The following TENM4 variants were observed in gnomAD, a reference collection of about 807,000 sequenced individuals.
TENM4 encodes teneurin transmembrane protein 4, also known as teneurin-4.
A neutral mutation model predicts 243.3 loss-of-function variants in TENM4; 82 were observed. The ratio of observed to expected loss-of-function variants is 0.34; its 90% CI spans 0.28 to 0.40. The LOEUF is 0.40. Among genes scored for constraint, TENM4 ranks in the 10% least tolerant of loss-of-function variants. TENM4 has a pLI of 1.00. For synonymous variants in TENM4, 1,412 were observed against 1,456.3 expected (o/e 0.97, Z 0.69); for missense variants, 3,138 against 3,673.3 (o/e 0.85, Z 3.77).
chr11:79,325,807 A>G (rs192018173), intron 1 of TENM4, among the ~76,000 whole-genome samples: 105 of 152,324 alleles, frequency 6.9e-4, no homozygotes, highest in Non-Finnish European at 9.7e-4. Context: ...GAACACACCC[A>G]AATGGCTCCT....
At chr11:79,078,735 A>G (rs1295644953) in intron 4 of TENM4, among the ~76,000 whole-genome samples, 1 of 152,198 alleles carries the variant, frequency 6.6e-6, no homozygotes, top group East Asian at 1.9e-4. Context: ...TGGTGGCTAA[A>G]AGCAAGGTCT....
At chr11:79,257,118 G>A (rs1408903509) in intron 2 of TENM4, among the ~76,000 whole-genome samples, 1 of 152,080 alleles carries the variant, frequency 6.6e-6, no homozygotes, top group Non-Finnish European at 1.5e-5. Context: ...ATGCATGCAG[G>A]TGGTAGGAGA....
At chr11:79,218,239 C>CA (rs1555029542) in intron 2 of TENM4, among the ~76,000 whole-genome samples, 1 of 142,804 alleles carries the variant, frequency 7.0e-6, no homozygotes, top group African/African-American at 2.6e-5. Flanking sequence ...TGCCCACCCA[C>CA]CCCCGACACA....
intron 13 of TENM4, among the ~76,000 whole-genome samples, chr11:78,813,081 C>T (rs1857532855): frequency 6.6e-6 from 1 of 152,160 alleles, no homozygotes; most frequent in Non-Finnish European, 1.5e-5. Context: ...CACCACCTTC[C>T]CCTGGTCCCC....
At chr11:78,921,240 T>A (rs1315224874) in intron 6 of TENM4, among the ~76,000 whole-genome samples, 1 of 152,122 alleles carries the variant, frequency 6.6e-6, no homozygotes, top group Non-Finnish European at 1.5e-5. Flanking sequence ...ACCTATGGCG[T>A]GATATTACTT....
chr11:79,243,531 A>G (rs1010076369), intron 2 of TENM4, among the ~76,000 whole-genome samples: 1 of 152,172 alleles, frequency 6.6e-6, no homozygotes, highest in African/African-American at 2.4e-5. Context: ...TGACAACAAA[A>G]CGCTGCAGGG....
chr11:79,078,307 T>G (rs1286827514), intron 4 of TENM4, among the ~76,000 whole-genome samples: 3 of 152,196 alleles, frequency 2.0e-5, no homozygotes, highest in African/African-American at 7.2e-5. Flanking sequence ...CCATAAATAT[T>G]TCAGAGCTAA....
At chr11:79,280,826 G>C (rs1399145100) in intron 2 of TENM4, among the ~76,000 whole-genome samples, 1 of 152,214 alleles carries the variant, frequency 6.6e-6, no homozygotes, top group East Asian at 1.9e-4. Flanking sequence ...TGGGTTAGTG[G>C]GAGCAGGAGC....
chr11:79,429,183 T>C (rs753022710), intron 1 of TENM4, among the ~76,000 whole-genome samples: 1 of 152,204 alleles, frequency 6.6e-6, no homozygotes, highest in Non-Finnish European at 1.5e-5. Context: ...GGATCTGCTG[T>C]CTCAATCTAG....
At chr11:78,793,655 G>T (rs909074894) in intron 15 of TENM4, among the ~76,000 whole-genome samples, 3 of 152,176 alleles carry the variant, frequency 2.0e-5, no homozygotes, top group Non-Finnish European at 4.4e-5. Flanking sequence ...AGAAAATGAA[G>T]TACCTTCAAT....
At chr11:78,711,358 C>A (rs1859392748) in intron 26 of TENM4, among the ~76,000 whole-genome samples, 2 of 152,154 alleles carry the variant, frequency 1.3e-5, no homozygotes, top group African/African-American at 4.8e-5. Context: ...ATCTGTACCA[C>A]AACTGTGCAG....
intron 6 of TENM4, among the ~76,000 whole-genome samples, chr11:78,977,377 T>C (rs1857685888): frequency 6.6e-6 from 1 of 152,242 alleles, no homozygotes; most frequent in African/African-American, 2.4e-5. Flanking sequence ...GGTGGGTCAA[T>C]AGTGCTCAAC....
chr11:78,924,749 G>A (rs1856518878), intron 6 of TENM4: 1 of 152,078 alleles, frequency 6.6e-6, no homozygotes, highest in Non-Finnish European at 1.5e-5. Context: ...TTTCCCAACT[G>A]TAAGAAAAAA....
At chr11:78,659,115 T>C (rs1442384386) in intron 33 of TENM4, among the ~76,000 whole-genome samples, 1 of 152,194 alleles carries the variant, frequency 6.6e-6, no homozygotes, top group Non-Finnish European at 1.5e-5. Flanking sequence ...TCATCCTTGC[T>C]CTTAAAGAAC....
chr11:79,012,480 G>A (rs1858671459), intron 6 of TENM4, among the ~76,000 whole-genome samples: 1 of 152,132 alleles, frequency 6.6e-6, no homozygotes, highest in African/African-American at 2.4e-5. Context: ...CTGAGCCCAG[G>A]AGAGTACCCT....
intron 2 of TENM4, among the ~76,000 whole-genome samples, chr11:79,279,841 A>T (rs960568513): frequency 7.2e-5 from 11 of 152,204 alleles, no homozygotes; most frequent in Admixed American, 5.2e-4. Flanking sequence ...TCACTTTGAA[A>T]CTTGATCCCC....
At chr11:79,348,590 T>C (rs923928487) in intron 1 of TENM4, among the ~76,000 whole-genome samples, 2 of 152,204 alleles carry the variant, frequency 1.3e-5, no homozygotes, top group African/African-American at 4.8e-5. Flanking sequence ...GATTAGGTCA[T>C]GAGGGTGAGA....
intron 6 of TENM4, among the ~76,000 whole-genome samples, chr11:78,925,406 G>A (rs1329512248): frequency 6.6e-6 from 1 of 152,128 alleles, no homozygotes; most frequent in African/African-American, 2.4e-5. Context: ...ATAATTCCAA[G>A]CGAATCAGGA....
intron 17 of TENM4, among the ~76,000 whole-genome samples, chr11:78,772,208 G>A (rs1242880111): frequency 6.6e-6 from 1 of 152,132 alleles, no homozygotes; most frequent in Non-Finnish European, 1.5e-5. Flanking sequence ...AAGTAGATTT[G>A]CAGGTTTTTT....
Sources: allele counts gnomAD v4.1 joint callset (sites outside exome capture counted in the v4.1 genomes callset), GRCh38; gene constraint gnomAD v4.1.1; transcripts MANE v1.5; gene names NCBI Gene and HGNC (gene_info 2026-07-23, HGNC 2026-07-21).